Variants in CEMIP2 observed in about 807,000 individuals in gnomAD.
CEMIP2 encodes the protein cell migration inducing hyaluronidase 2.
In CEMIP2, 79 loss-of-function variants were observed where a neutral mutation model predicts 146.9. The observed-to-expected ratio is 0.54, with a 90% CI of 0.45 to 0.65. The LOEUF (loss-of-function observed/expected upper bound fraction) is 0.65. CEMIP2 is among the 30% of genes least tolerant of loss of function. The probability of loss-of-function intolerance (pLI) is 0.00; values close to 1 mark genes in which losing one functional copy is unlikely to be tolerated. For synonymous variants in CEMIP2, 601 were observed against 606.3 expected, an observed-to-expected ratio of 0.99 and a Z score of 0.13; for missense variants, 1,596 against 1,696.2, an observed-to-expected ratio of 0.94 and a Z score of 1.04.
Position 71,723,980 on chromosome 9 carries a change from A to C in CEMIP2, c.2179-1465T>G, listed in dbSNP as rs79637440. 2.4e-3 allele frequency among the ~76,000 whole-genome samples: 364 copies of C among 152,310 alleles called. 14 individuals are homozygous for C. The East Asian group carries it at 0.067, about 28-fold the overall frequency. ...TTAAATTTAATATTCTTATTAATTG[A>C]GTAAATTACTGCACATTAAAAATCA... On this transcript the variant is annotated intron_variant, in intron 11 of 23. Coordinates refer to ENST00000377044, the MANE Select transcript of CEMIP2 (RefSeq NM_013390.3).
At chr9:71,762,012 C>T (rs1412142830) in intron 1 of CEMIP2, among the ~76,000 whole-genome samples, 4 of 146,646 alleles carry the variant, frequency 2.7e-5, no homozygotes, top group South Asian at 2.2e-4. Context: ...AATGACGACA[C>T]GTTGCCCAAT....
chr9:71,729,181 T>A (rs1041975149), intron 10 of CEMIP2, among the ~76,000 whole-genome samples: 1 of 151,994 alleles, frequency 6.6e-6, no homozygotes, highest in African/African-American at 2.4e-5. Context: ...AAATTATCAG[T>A]TACTTGGCCA....
intron 19 of CEMIP2, chr9:71,699,579 T>C (rs1239161475): frequency 3.1e-6 from 1 of 318,126 alleles, no homozygotes; most frequent in Non-Finnish European, 6.4e-6. Flanking sequence ...ATGAGTTGCA[T>C]CTTATTTAAA....
At chr9:71,709,515 T>C in intron 16 of CEMIP2, 41 bp from the exon 17 acceptor site, 1 of 1,546,052 alleles carries the variant, frequency 6.5e-7, no homozygotes, top group South Asian at 1.1e-5. Context: ...AAGTGAGGGC[T>C]CCTGCTATCT....
At chr9:71,739,676 C>G (rs1823860213) in intron 5 of CEMIP2, among the ~76,000 whole-genome samples, 1 of 152,152 alleles carries the variant, frequency 6.6e-6, no homozygotes, top group South Asian at 2.1e-4. Context: ...ACAAGCTTGT[C>G]CAACTCACAG....
intron 9 of CEMIP2, 48 bp from the exon 10 acceptor site, chr9:71,729,962 C>G: frequency 6.2e-7 from 1 of 1,613,064 alleles, no homozygotes; most frequent in East Asian, 2.2e-5. Flanking sequence ...ATAAAAACTC[C>G]TGCCCACTAA....
At chr9:71,742,099 G>GA (rs1369473423) in intron 4 of CEMIP2, among the ~76,000 whole-genome samples, 2 of 151,860 alleles carry the variant, frequency 1.3e-5, no homozygotes, top group African/African-American at 2.4e-5. Context: ...TCCCACTCTA[G>GA]AAAAAAAATA....
intron 10 of CEMIP2, among the ~76,000 whole-genome samples, chr9:71,727,295 A>G (rs1385408909): frequency 1.3e-5 from 2 of 152,190 alleles, no homozygotes; most frequent in African/African-American, 4.8e-5. Flanking sequence ...TTGACGCATA[A>G]TGTTACATAG....
chr9:71,690,199 AAGG>A lies in CEMIP2; in HGVS notation c.3741_3743del (p.Leu1248del). The A allele has an allele frequency of 6.2e-6, 10 of 1,614,130 alleles. No homozygotes were observed. Among genetic ancestry groups the A allele is most frequent in the Non-Finnish European group, 8.5e-6 (10 of 1,179,998 alleles). ...ATGGAACGCTGCACGGATCCACAACAAGGAGGAGGACGCCTGCACTTCGGAAGG... is the reference window on the plus strand; with the variant it reads ...ATGGAACGCTGCACGGATCCACAACAAGGAGGACGCCTGCACTTCGGAAGG... On this transcript the variant is annotated inframe_deletion, in exon 22 of 24. Coordinates refer to ENST00000377044, the MANE Select transcript of CEMIP2 (RefSeq NM_013390.3).
chr9:71,722,152 C>A (rs1823249161), intron 12 of CEMIP2, among the ~76,000 whole-genome samples: 2 of 152,148 alleles, frequency 1.3e-5, no homozygotes, highest in Non-Finnish European at 2.9e-5. Flanking sequence ...CAACATATCT[C>A]CTCTTTTTTC....
chr9:71,701,882 A>G (rs1408727747), intron 18 of CEMIP2, among the ~76,000 whole-genome samples: 1 of 152,138 alleles, frequency 6.6e-6, no homozygotes, highest in Non-Finnish European at 1.5e-5. Context: ...TACATTCTCA[A>G]TGTTGTTCAA....
chr9:71,688,529 T>C (rs7021245), intron 22 of CEMIP2, among the ~76,000 whole-genome samples: 8,269 of 151,878 alleles, frequency 0.054, 422 homozygotes, highest in African/African-American at 0.13. Context: ...GCTGGGATTA[T>C]AGGTGCCACC....
intron 1 of CEMIP2, among the ~76,000 whole-genome samples, chr9:71,754,924 A>C (rs1458929274): frequency 6.6e-6 from 1 of 152,184 alleles, no homozygotes; most frequent in Non-Finnish European, 1.5e-5. Flanking sequence ...ATGCTGGAAA[A>C]ACATAAGCAT....
At position 71,729,991 on chromosome 9, in the gene CEMIP2, C is replaced by A. The variant is rs1589150907; in HGVS notation, c.1979+57G>T. 7.4e-6 allele frequency: 12 copies of A among 1,613,058 alleles called. No homozygotes were observed. The East Asian group carries it at 2.7e-4, about 36-fold the overall frequency. ...CCACTAAAAACTTCCCCCAAAACCTCTTCCCCAAAAGTCAAAGGCCCTGAC... is the reference window on the plus strand; with the variant it reads ...CCACTAAAAACTTCCCCCAAAACCTATTCCCCAAAAGTCAAAGGCCCTGAC... On this transcript the variant is annotated intron_variant, in intron 9 of 23. Transcript: ENST00000377044.
intron 17 of CEMIP2, among the ~76,000 whole-genome samples, chr9:71,707,751 AG>A (rs1822792577): frequency 6.6e-6 from 1 of 152,214 alleles, no homozygotes; most frequent in Admixed American, 6.5e-5. Context: ...AAGAACATCT[AG>A]CAGCAAATCA....
intron 1 of CEMIP2, among the ~76,000 whole-genome samples, chr9:71,766,078 T>C (rs1240644336): frequency 6.6e-6 from 1 of 151,634 alleles, no homozygotes; most frequent in Non-Finnish European, 1.5e-5. Flanking sequence ...TTTTCTTTTT[T>C]TTTTTTTCAG....
chr9:71,755,090 T>C (rs910807215), intron 1 of CEMIP2, among the ~76,000 whole-genome samples: 2 of 151,992 alleles, frequency 1.3e-5, no homozygotes, highest in African/African-American at 4.8e-5. Flanking sequence ...ACTTGTATAA[T>C]TGGTAAGAGC....
In CEMIP2 at chr9:71,724,834, T is replaced by C. The variant is rs76854134; in HGVS notation, c.2178+747A>G. ...GCCACTGTGAATCAAAAAGAAGAGA[T>C]GAATTATGCTTATCAACCCCTAGAA... On this transcript the variant is annotated intron_variant, in intron 11 of 23. Coordinates refer to ENST00000377044, the MANE Select transcript of CEMIP2 (RefSeq NM_013390.3). Among the ~76,000 whole-genome samples, 833 of 152,248 alleles carry C rather than the reference T, an allele frequency of 5.5e-3. 11 individuals carry two copies. The highest frequency in any genetic ancestry group is 0.054 in the East Asian group (279 of 5,188).
intron 1 of CEMIP2, among the ~76,000 whole-genome samples, chr9:71,756,288 A>G (rs1372108421): frequency 6.7e-6 from 1 of 148,922 alleles, no homozygotes; most frequent in Non-Finnish European, 1.5e-5. Flanking sequence ...GTATATACCT[A>G]TATATATATA....
Sources: allele counts gnomAD v4.1 joint callset (sites outside exome capture counted in the v4.1 genomes callset), GRCh38; gene constraint gnomAD v4.1.1; transcripts MANE v1.5; gene names NCBI Gene and HGNC (gene_info 2026-07-23, HGNC 2026-07-21).